TMPRSS15: variants seen among roughly 807,000 people sequenced by gnomAD.
TMPRSS15 encodes the protein enteropeptidase.
Under a neutral mutation model 125.3 loss-of-function variants are expected in TMPRSS15, and 128 were observed. The ratio of observed to expected loss-of-function variants is 1.02; its 90% CI spans 0.89 to 1.18. TMPRSS15 has a LOEUF of 1.18. Ranked by LOEUF, TMPRSS15 falls within the 50% of genes most tolerant of loss-of-function variation. The pLI, the probability that TMPRSS15 is intolerant of heterozygous loss-of-function variation, is 0.00. For missense variants in TMPRSS15, 1,283 were observed against 1,212.7 expected, an observed-to-expected ratio of 1.06 and a Z score of -0.86; for synonymous variants, 446 against 423.2, an observed-to-expected ratio of 1.05 and a Z score of -0.66.
intron 18 of TMPRSS15, 74 bp from the exon 19 acceptor site, chr21:18,297,903 C>G (rs1021630463): frequency 3.3e-5 from 38 of 1,155,986 alleles, no homozygotes; most frequent in Non-Finnish European, 4.9e-5. Context: ...ACTTTCAGTT[C>G]CTTAATGCTA....
intron 15 of TMPRSS15, among the ~76,000 whole-genome samples, chr21:18,328,038 G>A (rs559289626): frequency 2.6e-5 from 4 of 152,224 alleles, no homozygotes; most frequent in East Asian, 1.9e-4. Flanking sequence ...GGGTGACAGA[G>A]CGAGGCTCCA....
chr21:18,388,435 A>T (rs761114574), intron 3 of TMPRSS15, among the ~76,000 whole-genome samples: 24 of 152,284 alleles, frequency 1.6e-4, no homozygotes, highest in South Asian at 8.3e-4. Context: ...TATATATAAA[A>T]GTCTATATTC....
chr21:18,313,994 G>A (rs2075130656), intron 17 of TMPRSS15, among the ~76,000 whole-genome samples: 1 of 151,916 alleles, frequency 6.6e-6, no homozygotes, highest in African/African-American at 2.4e-5. Context: ...AGAATTTTAA[G>A]GCCATTAGTG....
At chr21:18,393,586 T>A (rs1424307535) in intron 3 of TMPRSS15, among the ~76,000 whole-genome samples, 2 of 151,954 alleles carry the variant, frequency 1.3e-5, no homozygotes, top group Admixed American at 1.3e-4. Flanking sequence ...AAGAAAAAAA[T>A]TTTTCTTGCA....
intron 1 of TMPRSS15, among the ~76,000 whole-genome samples, chr21:18,414,625 G>A (rs75947323): frequency 0.023 from 3,448 of 152,188 alleles, 141 homozygotes; most frequent in African/African-American, 0.078. Flanking sequence ...TGTGTGAGTG[G>A]CTTATTTCAC....
At chr21:18,315,116 TA>T in intron 17 of TMPRSS15, 29 bp downstream of exon 17, 1 of 1,557,394 alleles carries the variant, frequency 6.4e-7, no homozygotes, top group Non-Finnish European at 8.8e-7. Flanking sequence ...GCTAAAGTCA[TA>T]AAAGTATTTT....
At chr21:18,394,016 G>A (rs1410655280) in intron 3 of TMPRSS15, among the ~76,000 whole-genome samples, 1 of 152,116 alleles carries the variant, frequency 6.6e-6, no homozygotes, top group Non-Finnish European at 1.5e-5. Context: ...GCGAGCAAAT[G>A]AATGGATGAC....
At chr21:18,379,238 G>T (rs1473170763) in intron 5 of TMPRSS15, 45 bp downstream of exon 5, 17 of 1,033,592 alleles carry the variant, frequency 1.6e-5, no homozygotes, top group Admixed American at 3.5e-5. Context: ...ATGTATAAGA[G>T]AAAACTTTCT....
At chr21:18,386,440 C>T (rs1458928848) in intron 3 of TMPRSS15, among the ~76,000 whole-genome samples, 2 of 152,110 alleles carry the variant, frequency 1.3e-5, no homozygotes, top group South Asian at 4.1e-4. Flanking sequence ...GTATTTTATT[C>T]TGTTGCATAG....
Position 18,374,415 on chromosome 21 carries a change from G to C in TMPRSS15, c.533-2091C>G, listed in dbSNP as rs147366960. Among the ~76,000 whole-genome samples the C allele has an allele frequency of 9.7e-3, 1,391 of 142,794 alleles. 21 individuals carry two copies. Among genetic ancestry groups the C allele is most frequent in the African/African-American group, 0.034 (1,325 of 38,812 alleles). 93.7% of individuals were successfully genotyped at this position (142,794 alleles called of 152,430 possible). A position where few individuals can be genotyped will look rare whatever the true frequency, so the allele number is the denominator to read the frequency against. On this transcript the variant is annotated intron_variant, in intron 5 of 24. Transcript: ENST00000284885. Reference sequence around the variant, plus strand: ...GTGAACCCGGGAAGCGGAGCTTGCAGTGAGCCGAGATTGCGCCACTGCAGT... The same window carrying C: ...GTGAACCCGGGAAGCGGAGCTTGCACTGAGCCGAGATTGCGCCACTGCAGT...
chr21:18,331,668 T>C (rs781416505), intron 14 of TMPRSS15, among the ~76,000 whole-genome samples: 53 of 152,228 alleles, frequency 3.5e-4, no homozygotes, highest in Non-Finnish European at 6.9e-4. Context: ...TTTTTAATAC[T>C]TTCCATTGTC....
At chr21:18,348,155 A>C (rs2146998283) in intron 10 of TMPRSS15, among the ~76,000 whole-genome samples, 1 of 152,296 alleles carries the variant, frequency 6.6e-6, no homozygotes, top group Non-Finnish European at 1.5e-5. Flanking sequence ...ACTGTACTCC[A>C]GTCTGGGAGA....
At chr21:18,308,189 T>G (rs1036937636) in intron 18 of TMPRSS15, among the ~76,000 whole-genome samples, 1 of 152,192 alleles carries the variant, frequency 6.6e-6, no homozygotes, top group Admixed American at 6.5e-5. Flanking sequence ...GAACTTGGAA[T>G]GAATGCCACT....
At chr21:18,437,591 A>G (rs1373850254) in intron 1 of TMPRSS15, among the ~76,000 whole-genome samples, 1 of 152,208 alleles carries the variant, frequency 6.6e-6, no homozygotes, top group African/African-American at 2.4e-5. Context: ...CAAAGGGCTA[A>G]TATCCAGAAT....
At chr21:18,343,753 C>CT (rs1350141268) in intron 11 of TMPRSS15, 97 bp from the exon 12 acceptor site, 4 of 1,420,346 alleles carry the variant, frequency 2.8e-6, no homozygotes, top group Non-Finnish European at 9.9e-7. Flanking sequence ...TTGAAATAAT[C>CT]TTTTTTTCCT....
chr21:18,465,860 C>T (rs1978649868), intron 1 of TMPRSS15, among the ~76,000 whole-genome samples: 1 of 152,182 alleles, frequency 6.6e-6, no homozygotes, highest in Admixed American at 6.5e-5. Context: ...ACATGCAATG[C>T]TATTCCCATC....
intron 7 of TMPRSS15, among the ~76,000 whole-genome samples, chr21:18,364,621 T>C (rs934380486): frequency 2.0e-5 from 3 of 152,132 alleles, no homozygotes; most frequent in Non-Finnish European, 4.4e-5. Context: ...GGTTGGTTAA[T>C]TGAATTAAGA....
At chr21:18,430,164 G>T (rs962484971) in intron 1 of TMPRSS15, among the ~76,000 whole-genome samples, 1 of 151,978 alleles carries the variant, frequency 6.6e-6, no homozygotes, top group Non-Finnish European at 1.5e-5. Flanking sequence ...AAAATTTGGG[G>T]TCACAAAAAA....
rs2074526692 is a variant in TMPRSS15, at chr21:18,269,388, T to C, written c.*581A>G. On this transcript the variant is annotated 3_prime_UTR_variant, in exon 25 of 25. Coordinates refer to ENST00000284885, the MANE Select transcript of TMPRSS15 (RefSeq NM_002772.3). Reference sequence around the variant, plus strand: ...TAACTTATTTAAGAGGAACGTAAAATCAATTTAGTCCAGGCCTGTGACATA... The same window carrying C: ...TAACTTATTTAAGAGGAACGTAAAACCAATTTAGTCCAGGCCTGTGACATA... 1.3e-5 allele frequency: 2 copies of C among 152,268 alleles called. No individual in the cohort carries two copies. Among genetic ancestry groups the C allele is most frequent in the Non-Finnish European group, 2.9e-5 (2 of 68,112 alleles). The allele number at this position is 152,268 out of a possible 1,614,324, so 9.4% of individuals were successfully genotyped here. A position where few individuals can be genotyped will look rare whatever the true frequency, so the allele number is the denominator to read the frequency against.
Sources: allele counts gnomAD v4.1 joint callset (sites outside exome capture counted in the v4.1 genomes callset), GRCh38; gene constraint gnomAD v4.1.1; transcripts MANE v1.5; gene names NCBI Gene and HGNC (gene_info 2026-07-23, HGNC 2026-07-21).